MYOT: variants seen among roughly 807,000 people sequenced by gnomAD.
MYOT encodes 57 kDa cytoskeletal protein.
Under a neutral mutation model 58.0 loss-of-function variants are expected in MYOT, and 36 were observed. The ratio of observed to expected loss-of-function variants is 0.62; its 90% CI spans 0.48 to 0.82. The LOEUF (loss-of-function observed/expected upper bound fraction) is 0.82. MYOT is among the 40% of genes least tolerant of loss of function. The pLI is 0.00. For synonymous variants in MYOT, 218 were observed against 204.6 expected (o/e 1.07, Z -0.56); for missense variants, 505 against 592.1 (o/e 0.85, Z 1.53).
chr5:137,868,229 G>A (rs1754932337), intron 1 of MYOT, among the ~76,000 whole-genome samples: 2 of 152,242 alleles, frequency 1.3e-5, no homozygotes, highest in South Asian at 4.1e-4. Flanking sequence ...TGTAATTGTG[G>A]TGATGTCTTA....
intron 4 of MYOT, among the ~76,000 whole-genome samples, chr5:137,879,046 G>A (rs1006548760): frequency 2.6e-5 from 4 of 151,602 alleles, no homozygotes; most frequent in African/African-American, 4.8e-5. Flanking sequence ...AGTGATTCTC[G>A]TGCCTCAGAC....
At position 137,887,239 on chromosome 5, in the gene MYOT, C is replaced by T; in HGVS notation, c.1351C>T (p.Pro451Ser). 1.2e-6 allele frequency: 2 copies of T among 1,614,048 alleles called. No individual in the cohort carries two copies. The highest frequency in any genetic ancestry group is 1.1e-5 in the South Asian group (1 of 91,066). ...TARPNQTLPA[P>S]KQLRVRPTFS... ...ACGTCCAAACCAAACTCTTCCAGCT[C>T]CTAAGCAGTTACGGGTTCGACCAAC... The change falls in exon 10 of 10, where the codon CCT becomes TCT. Residue 451 changes from proline to serine, a missense_variant. Transcript: ENST00000239926.
chr5:137,877,785 C>T (rs1755280740), intron 4 of MYOT, among the ~76,000 whole-genome samples, 164 bp downstream of exon 4: 1 of 152,206 alleles, frequency 6.6e-6, no homozygotes, highest in Non-Finnish European at 1.5e-5. Flanking sequence ...AATTTTACCA[C>T]ATTTTACCCC....
chr5:137,880,653 G>A (rs1048245887), intron 4 of MYOT, 163 bp from the exon 5 acceptor site: 3 of 612,650 alleles, frequency 4.9e-6, no homozygotes, highest in Non-Finnish European at 8.9e-6. Flanking sequence ...TAGTATGTTA[G>A]TGCACTGTAC....
At chr5:137,881,463 A>G (rs754569300) in intron 5 of MYOT, among the ~76,000 whole-genome samples, 1 of 152,112 alleles carries the variant, frequency 6.6e-6, no homozygotes, top group African/African-American at 2.4e-5. Context: ...TCAGGAGTTC[A>G]AGACCAGGCT....
rs1398077023 is a variant in MYOT at position 137,887,632 on chromosome 5, G to C, written c.*247G>C. On this transcript the variant is annotated 3_prime_UTR_variant, in exon 10 of 10. Coordinates refer to ENST00000239926, the MANE Select transcript of MYOT (RefSeq NM_006790.3). The stretch of plus-strand genomic sequence containing the variant: ...CTGCAGAAGACTATCTTAAAATACA[G>C]GATTTTAACATTTAAGTCATGCACA... 9.6e-6 allele frequency: 2 copies of C among 207,856 alleles called. No individual in the cohort carries two copies. Among genetic ancestry groups the C allele is most frequent in the Non-Finnish European group, 1.9e-5 (2 of 106,708 alleles). 12.9% of individuals were successfully genotyped at this position (207,856 alleles called of 1,614,324 possible).
intron 2 of MYOT, among the ~76,000 whole-genome samples, chr5:137,875,502 T>G (rs1307681844): frequency 1.3e-5 from 2 of 152,222 alleles, no homozygotes; most frequent in East Asian, 3.9e-4. Context: ...AAAAATTTTA[T>G]TAAAGAAATT....
intron 7 of MYOT, 58 bp from the exon 8 acceptor site, chr5:137,885,986 GGTTT>G: frequency 8.9e-7 from 1 of 1,118,880 alleles, no homozygotes; most frequent in Non-Finnish European, 1.3e-6. Flanking sequence ...ATAATACCTT[GGTTT>G]GATTTAATAC....
At chr5:137,872,625 A>G (rs1755086012) in intron 2 of MYOT, among the ~76,000 whole-genome samples, 1 of 152,196 alleles carries the variant, frequency 6.6e-6, no homozygotes, top group Admixed American at 6.5e-5. Context: ...CAGAGTGGAA[A>G]GCCCTGGCCC....
chr5:137,874,619 T>A (rs935454749), intron 2 of MYOT, among the ~76,000 whole-genome samples: 1 of 152,114 alleles, frequency 6.6e-6, no homozygotes, highest in Admixed American at 6.5e-5. Flanking sequence ...CTATCCTCTA[T>A]CAGAATCAAC....
intron 4 of MYOT, among the ~76,000 whole-genome samples, chr5:137,878,378 C>A (rs1238786434): frequency 6.6e-6 from 1 of 152,066 alleles, no homozygotes; most frequent in East Asian, 1.9e-4. Context: ...CCATCAGGCC[C>A]AGCTAATTTT....
chr5:137,879,838 G>C (rs1433145481), intron 4 of MYOT, among the ~76,000 whole-genome samples: 1 of 151,742 alleles, frequency 6.6e-6, no homozygotes, highest in Non-Finnish European at 1.5e-5. Context: ...GCCCAGCCTG[G>C]ATATTTTTAA....
At position 137,875,853 on chromosome 5, in the gene MYOT, A is replaced by G. The variant is rs755711807; in HGVS notation, c.381A>G (p.Gln127=). The G allele has an allele frequency of 6.2e-6, 10 of 1,613,988 alleles. No homozygotes were observed. The highest frequency in any genetic ancestry group is 8.5e-6 in the Non-Finnish European group (10 of 1,180,008). Residue 127 remains glutamine (Q), a synonymous_variant, in exon 3 of 10, where the codon CAA becomes CAG. Transcript: ENST00000239926. ...DSNYQQSSAG[Q]PINAKPSQTA... ...GCTATCAACAGTCCTCAGCTGGCCA[A>G]CCTATAAATGCAAAGCCATCCCAAA...
In MYOT at chr5:137,870,288, GACACACACACAC is replaced by G. The variant is rs35301804; in HGVS notation, c.-211-125_-211-114del. The stretch of plus-strand genomic sequence containing the variant: ...TATGTTCGCCTGGGCGATTAAGCAA[GACACACACACAC>G]ACACACACACACACACACACACACA... On this transcript the variant is annotated intron_variant, in intron 1 of 9. Transcript: ENST00000239926. 1.9e-3 allele frequency among the ~76,000 whole-genome samples: 238 copies of G among 127,084 alleles called. 3 individuals carry two copies. In the South Asian group the frequency reaches 0.023, roughly 12 times the overall value. The allele number at this position is 127,084 out of a possible 152,430, so 83.4% of individuals were successfully genotyped here. A position where few individuals can be genotyped will look rare whatever the true frequency, so the allele number is the denominator to read the frequency against.
At position 137,883,602 on chromosome 5, in the gene MYOT, A is replaced by G. The variant is rs577568983; in HGVS notation, c.1024+11A>G. On this transcript the variant is annotated intron_variant, in intron 7 of 9. Coordinates refer to ENST00000239926, the MANE Select transcript of MYOT (RefSeq NM_006790.3). ...AGCTGGATGTCCTTGGTAAGCCTCC[A>G]AAGAGACCCTTGAGAATTCCTTAAA... 1.9e-6 allele frequency: 3 copies of G among 1,611,746 alleles called. No individual in the cohort carries two copies. Among genetic ancestry groups the G allele is most frequent in the Non-Finnish European group, 2.5e-6 (3 of 1,177,818 alleles).
intron 4 of MYOT, among the ~76,000 whole-genome samples, chr5:137,879,731 T>C (rs1199266198): frequency 6.8e-6 from 1 of 147,040 alleles, no homozygotes; most frequent in Non-Finnish European, 1.5e-5. Context: ...AGAGACAGGA[T>C]TTCACCTTGT....
chr5:137,877,090 C>T lies in MYOT; in HGVS notation c.532-430C>T, dbSNP rs1020618776. On this transcript the variant is annotated intron_variant, in intron 3 of 9. Transcript: ENST00000239926. ...TTAAAAAAAAAAAAATAGAATCAGCCGAGCGCAGTGGCTCACGCCTATAAT... is the reference window on the plus strand; with the variant it reads ...TTAAAAAAAAAAAAATAGAATCAGCTGAGCGCAGTGGCTCACGCCTATAAT... Among the ~76,000 whole-genome samples, 6 of 151,020 alleles carry T rather than the reference C, an allele frequency of 4.0e-5. No homozygotes were observed. In the East Asian group the frequency reaches 9.8e-4, roughly 25 times the overall value.
chr5:137,880,253 T>C (rs116254923), intron 4 of MYOT, among the ~76,000 whole-genome samples: 2,254 of 152,378 alleles, frequency 0.015, 51 homozygotes, highest in African/African-American at 0.052. Context: ...AATACAACTT[T>C]ATTAAACAGG....
In MYOT at chr5:137,875,900, C is replaced by T; in HGVS notation, c.428C>T (p.Pro143Leu). The T allele has an allele frequency of 6.2e-7, 1 of 1,614,004 alleles. No individual in the cohort carries two copies. The change falls in exon 3 of 10, where the codon CCA becomes CTA. Residue 143 changes from proline to leucine, a missense_variant. Physicochemically the swap from Pro to Leu is moderately conservative, Grantham distance 98. Transcript: ENST00000239926. ...CAAACTGCAAATGCTAAGCCCATACCAAGAACTCCTGATCATGAAATACAA... is the reference window on the plus strand; with the variant it reads ...CAAACTGCAAATGCTAAGCCCATACTAAGAACTCCTGATCATGAAATACAA... ...PSQTANAKPI[P>L]RTPDHEIQGS...
Sources: gnomAD v4.1 joint callset for allele counts (sites outside exome capture counted in the v4.1 genomes callset) on GRCh38, gnomAD v4.1.1 for gene constraint, MANE v1.5 for transcripts, NCBI Gene and HGNC (gene_info 2026-07-23, HGNC 2026-07-21) for gene names.